The following STIP1 variants were observed in gnomAD, a reference collection of about 807,000 sequenced individuals.
STIP1 encodes stress induced phosphoprotein 1, also known as stress-induced-phosphoprotein 1.
In STIP1, 16 loss-of-function variants were observed where a neutral mutation model predicts 77.4. That is an observed-to-expected ratio of 0.21 (90% confidence interval 0.14 to 0.31). The LOEUF (loss-of-function observed/expected upper bound fraction) is 0.31, where lower values mean the gene tolerates loss of function less well. Ranked by LOEUF, STIP1 falls within the 10% of genes least tolerant of loss-of-function variation. The pLI is 1.00. For synonymous variants in STIP1, 258 were observed against 246.6 expected (o/e 1.05, Z -0.44); for missense variants, 524 against 684.8 (o/e 0.77, Z 2.62).
chr11:64,193,245 G>A lies in STIP1; in HGVS notation c.177G>A (p.Glu59=). 1 of 1,614,224 alleles carries A rather than the reference G, an allele frequency of 6.2e-7. No homozygotes were observed. The highest frequency in any genetic ancestry group is 1.7e-5 in the Admixed American group (1 of 60,022). ...AKKGDYQKAY[E]DGCKTVDLKP... is the part of the protein sequence containing the mutation. Reference sequence around the variant, plus strand: ...AAGGAGACTACCAGAAGGCTTATGAGGATGGCTGCAAGACTGTCGACCTAA... The same window carrying A: ...AAGGAGACTACCAGAAGGCTTATGAAGATGGCTGCAAGACTGTCGACCTAA... The change falls in exon 2 of 14, where the codon GAG becomes GAA. Residue 59 remains glutamate, a synonymous_variant. Coordinates refer to ENST00000305218, the MANE Select transcript of STIP1 (RefSeq NM_006819.3).
At position 64,204,207 on chromosome 11, in the gene STIP1, G is replaced by C. The variant is rs1279750643; in HGVS notation, c.*81G>C. On this transcript the variant is annotated 3_prime_UTR_variant, in exon 14 of 14. Coordinates refer to ENST00000305218, the MANE Select transcript of STIP1 (RefSeq NM_006819.3). ...GCGGCGAGCAGCACGGAGCGGAAGG[G>C]AGAGCAGGGGAGAGAAGGCCTCATC... The C allele has an allele frequency of 7.9e-6, 11 of 1,392,450 alleles. No individual in the cohort carries two copies. The South Asian group carries it at 1.3e-4, about 17-fold the overall frequency. 86.3% of individuals were successfully genotyped at this position (1,392,450 alleles called of 1,614,324 possible). A position where few individuals can be genotyped will look rare whatever the true frequency, so the allele number is the denominator to read the frequency against.
Position 64,186,186 on chromosome 11 carries a change from C to A in STIP1, c.-76C>A. On this transcript the variant is annotated 5_prime_UTR_variant, in exon 1 of 14. Coordinates refer to ENST00000305218, the MANE Select transcript of STIP1 (RefSeq NM_006819.3). ...GGGTCCCGGTAGCTTCTAGTAGGTTCCAGAAGGCGGCGCGTGCGGTTGGGA... is the reference window on the plus strand; with the variant it reads ...GGGTCCCGGTAGCTTCTAGTAGGTTACAGAAGGCGGCGCGTGCGGTTGGGA... 6.4e-7 allele frequency: 1 copy of A among 1,550,624 alleles called. No homozygotes were observed. The highest frequency in any genetic ancestry group is 1.2e-5 in the South Asian group (1 of 84,062).
chr11:64,190,366 G>A (rs995379090), intron 1 of STIP1, among the ~76,000 whole-genome samples: 1 of 151,968 alleles, frequency 6.6e-6, no homozygotes, highest in African/African-American at 2.4e-5. Flanking sequence ...TAGTAGAGAC[G>A]GGGTTTCTCC....
At chr11:64,185,772 T>C (rs1028918283), upstream of STIP1, 1 of 1,529,458 alleles carries the variant, frequency 6.5e-7, no homozygotes, top group African/African-American at 1.4e-5. Flanking sequence ...GCGCAAAGAG[T>C]TGGCAACCCT....
chr11:64,186,254 G>C lies in STIP1; in HGVS notation c.-8G>C, dbSNP rs778563791. 63 of 1,549,864 alleles carry C rather than the reference G, an allele frequency of 4.1e-5. 1 individual carries two copies. In the South Asian group the frequency reaches 7.3e-4, roughly 18 times the overall value. ...TCGATTCAACGGGGTTCCGGACCGCGCTGCGCTATGGAGCAGGTGAAGGGG... is the reference window on the plus strand; with the variant it reads ...TCGATTCAACGGGGTTCCGGACCGCCCTGCGCTATGGAGCAGGTGAAGGGG... On this transcript the variant is annotated 5_prime_UTR_variant, in exon 1 of 14. Coordinates refer to ENST00000305218, the MANE Select transcript of STIP1 (RefSeq NM_006819.3).
intron 1 of STIP1, among the ~76,000 whole-genome samples, chr11:64,186,771 G>A (rs1340933100): frequency 2.6e-5 from 4 of 152,208 alleles, no homozygotes; most frequent in Non-Finnish European, 5.9e-5. Context: ...TACACTGGGA[G>A]TAGCCGAGGA....
intron 13 of STIP1, 144 bp downstream of exon 13, chr11:64,203,766 G>T (rs1358245137): frequency 2.0e-5 from 23 of 1,135,238 alleles, no homozygotes; most frequent in Non-Finnish European, 2.8e-5. Context: ...ATTGGCAGTG[G>T]GTGGCGAGCT....
intron 8 of STIP1, among the ~76,000 whole-genome samples, chr11:64,198,940 C>T (rs1946182562): frequency 6.6e-6 from 1 of 151,846 alleles, no homozygotes; most frequent in East Asian, 1.9e-4. Context: ...TGGCTCACGC[C>T]TGTAATCCCA....
intron 1 of STIP1, 196 bp downstream of exon 1, chr11:64,186,466 G>T: frequency 1.9e-6 from 1 of 539,578 alleles, no homozygotes; most frequent in Non-Finnish European, 2.7e-6. Flanking sequence ...CGGCCGCGGG[G>T]AGCGCCCATC....
upstream of STIP1, chr11:64,185,842 A>G: frequency 6.5e-7 from 1 of 1,536,088 alleles, no homozygotes; most frequent in Non-Finnish European, 8.7e-7. Context: ...CCGGCAGCCC[A>G]ATGGGAGAGG....
Position 64,194,348 on chromosome 11 carries a change from T to C in STIP1, c.361+18T>C. On this transcript the variant is annotated intron_variant, in intron 3 of 13. Coordinates refer to ENST00000305218, the MANE Select transcript of STIP1 (RefSeq NM_006819.3). ...GTTGGCAGGTAGGTACCACGCACAG[T>C]TTTCTTTCTTATTATTAATGTGATT... The C allele has an allele frequency of 6.2e-7, 1 of 1,612,432 alleles. No homozygotes were observed. Among genetic ancestry groups the C allele is most frequent in the Non-Finnish European group, 8.5e-7 (1 of 1,179,548 alleles).
intron 8 of STIP1, among the ~76,000 whole-genome samples, chr11:64,198,183 G>A (rs1946172151): frequency 6.6e-6 from 1 of 151,702 alleles, no homozygotes; most frequent in East Asian, 1.9e-4. Context: ...CTCAGCCTGA[G>A]TAGCTAGGAT....
At position 64,194,494 on chromosome 11, in the gene STIP1, A is replaced by G; in HGVS notation, c.377A>G (p.Asn126Ser). The change falls in exon 4 of 14, where the codon AAC becomes AGC. Residue 126 changes from asparagine to serine, a missense_variant. Asn to Ser is a conservative substitution (Grantham distance 46, BLOSUM62 1). Coordinates refer to ENST00000305218, the MANE Select transcript of STIP1 (RefSeq NM_006819.3). Reference protein sequence around the residue: ...EARLAERKFMNPFNMPNLYQK... With the variant: ...EARLAERKFMSPFNMPNLYQK... ...ATTTGGACAGAGAGAAAATTCATGAACCCTTTCAACATGCCTAATCTGTAT... is the reference window on the plus strand; with the variant it reads ...ATTTGGACAGAGAGAAAATTCATGAGCCCTTTCAACATGCCTAATCTGTAT... 1 of 1,614,004 alleles carries G rather than the reference A, an allele frequency of 6.2e-7. No individual in the cohort carries two copies. The highest frequency in any genetic ancestry group is 8.5e-7 in the Non-Finnish European group (1 of 1,180,002).
upstream of STIP1, chr11:64,186,103 C>T: frequency 6.4e-7 from 1 of 1,550,398 alleles, no homozygotes; most frequent in Non-Finnish European, 8.7e-7. Context: ...TAGAGCAGCA[C>T]AGACATTCCC....
intron 1 of STIP1, among the ~76,000 whole-genome samples, chr11:64,187,637 C>T (rs901526586): frequency 6.6e-6 from 1 of 152,118 alleles, no homozygotes; most frequent in Non-Finnish European, 1.5e-5. Flanking sequence ...TCAGTTGTAT[C>T]TAGGGTTAAA....
intron 13 of STIP1, 154 bp downstream of exon 13, chr11:64,203,776 T>C: frequency 2.0e-6 from 2 of 995,164 alleles, no homozygotes; most frequent in Non-Finnish European, 2.9e-6. Flanking sequence ...GGTGGCGAGC[T>C]GGAAGGGCTT....
upstream of STIP1, chr11:64,185,377 T>A (rs762371664): frequency 5.5e-6 from 1 of 180,998 alleles, no homozygotes; most frequent in Non-Finnish European, 1.2e-5. Flanking sequence ...CGCGGTGAGA[T>A]CCCCGGCCTG....
upstream of STIP1, chr11:64,185,603 G>A (rs1946000368): frequency 5.0e-6 from 3 of 595,744 alleles, no homozygotes; most frequent in African/African-American, 3.7e-5. Context: ...CCCGGGGACC[G>A]CCTGGAACTC....
intron 1 of STIP1, among the ~76,000 whole-genome samples, chr11:64,188,037 CAAAAAAAA>C (rs34070761): frequency 1.4e-5 from 1 of 72,192 alleles, no homozygotes; most frequent in African/African-American, 5.7e-5. Context: ...GACTCCGTCT[CAAAAAAAA>C]AAAAAAAAAA....
Sources: gnomAD v4.1 joint callset for allele counts (sites outside exome capture counted in the v4.1 genomes callset) on GRCh38, gnomAD v4.1.1 for gene constraint, MANE v1.5 for transcripts, NCBI Gene and HGNC (gene_info 2026-07-23, HGNC 2026-07-21) for gene names.